The following IMMP2L variants were observed in gnomAD, a reference collection of about 807,000 sequenced individuals.
IMMP2L encodes inner mitochondrial membrane peptidase subunit 2.
IMMP2L carries 18 observed loss-of-function variants against 19.3 expected under a neutral mutation model. The observed-to-expected ratio is 0.93, with a 90% CI of 0.64 to 1.38. IMMP2L has a LOEUF of 1.38. Among genes scored for constraint, IMMP2L ranks in the 40% most tolerant of loss-of-function variants. IMMP2L has a pLI of 0.00. For missense variants in IMMP2L, 233 were observed against 218.2 expected (o/e 1.07, Z -0.43); for synonymous variants, 76 against 73.0 (o/e 1.04, Z -0.21).
intron 3 of IMMP2L, among the ~76,000 whole-genome samples, chr7:111,239,854 T>C (rs1814793370): frequency 6.6e-6 from 1 of 151,958 alleles, no homozygotes; most frequent in Admixed American, 6.6e-5. Context: ...CTAAAGGTAA[T>C]TAAGTGGTAT....
intron 3 of IMMP2L, among the ~76,000 whole-genome samples, chr7:111,152,280 T>C (rs1804164178): frequency 1.3e-5 from 2 of 152,104 alleles, no homozygotes; most frequent in South Asian, 4.1e-4. Flanking sequence ...AATCCATACA[T>C]TCCCCTCCCT....
intron 3 of IMMP2L, among the ~76,000 whole-genome samples, chr7:111,033,752 C>T (rs910130448): frequency 6.6e-6 from 1 of 152,128 alleles, no homozygotes; most frequent in African/African-American, 2.4e-5. Flanking sequence ...ATATGACATT[C>T]TGATATTTAT....
chr7:110,763,205 A>T (rs1236933544), intron 5 of IMMP2L, among the ~76,000 whole-genome samples: 2 of 152,182 alleles, frequency 1.3e-5, no homozygotes, highest in Admixed American at 1.3e-4. Context: ...AATGGAGTCA[A>T]GTGATAGAAC....
At chr7:111,543,628 C>T (rs1848668805) in intron 1 of IMMP2L, among the ~76,000 whole-genome samples, 1 of 152,066 alleles carries the variant, frequency 6.6e-6, no homozygotes, top group Admixed American at 6.6e-5. Context: ...TATTTGAGAG[C>T]AAATGTATAG....
chr7:111,492,460 G>A lies in IMMP2L; in HGVS notation c.136-5119C>T, dbSNP rs867936273. 5.9e-6 allele frequency: 5 copies of A among 845,328 alleles called. No individual in the cohort carries two copies. In the South Asian group the frequency reaches 2.2e-4, roughly 37 times the overall value. 52.4% of individuals were successfully genotyped at this position (845,328 alleles called of 1,614,324 possible). ...GTCAAGAATGTTTTTTCCCCACTTGGAAACTTCTAGTCATTTGTCAAAGTC... is the reference window on the plus strand; with the variant it reads ...GTCAAGAATGTTTTTTCCCCACTTGAAAACTTCTAGTCATTTGTCAAAGTC... On this transcript the variant is annotated intron_variant, in intron 2 of 5. Transcript: ENST00000405709.
chr7:111,023,743 A>T (rs1369264562), intron 3 of IMMP2L, among the ~76,000 whole-genome samples: 3 of 152,134 alleles, frequency 2.0e-5, no homozygotes, highest in Non-Finnish European at 2.9e-5. Context: ...TTGTAAGTTT[A>T]TTCAAATTAT....
intron 3 of IMMP2L, among the ~76,000 whole-genome samples, chr7:111,083,138 G>T (rs890976734): frequency 1.3e-5 from 2 of 152,048 alleles, no homozygotes; most frequent in African/African-American, 4.8e-5. Flanking sequence ...TATGTGTATC[G>T]ATCCATTTTG....
intron 3 of IMMP2L, among the ~76,000 whole-genome samples, chr7:111,120,210 A>C (rs1800421282): frequency 6.6e-6 from 1 of 152,170 alleles, no homozygotes; most frequent in African/African-American, 2.4e-5. Context: ...GATTGCATTA[A>C]TCCGTTCTCA....
chr7:111,129,643 A>G (rs1801662458), intron 3 of IMMP2L, among the ~76,000 whole-genome samples: 1 of 152,138 alleles, frequency 6.6e-6, no homozygotes, highest in African/African-American at 2.4e-5. Flanking sequence ...CCACATCTAG[A>G]AACAGCTACA....
intron 5 of IMMP2L, among the ~76,000 whole-genome samples, chr7:110,853,290 G>A (rs1284817188): frequency 2.0e-5 from 3 of 151,900 alleles, no homozygotes; most frequent in African/African-American, 7.2e-5. Flanking sequence ...CATTGGTATT[G>A]TTCTGTAAAC....
At chr7:110,879,587 A>C (rs1444749103) in intron 5 of IMMP2L, among the ~76,000 whole-genome samples, 4 of 152,006 alleles carry the variant, frequency 2.6e-5, no homozygotes, top group Non-Finnish European at 5.9e-5. Context: ...TGCTATTTTA[A>C]ATGGCCAATT....
chr7:111,125,885 A>C (rs1036237255), intron 3 of IMMP2L, among the ~76,000 whole-genome samples: 9 of 149,150 alleles, frequency 6.0e-5, no homozygotes, highest in Admixed American at 4.7e-4. Flanking sequence ...TGCAGTGGCA[A>C]AACCTAGGCT....
intron 2 of IMMP2L, among the ~76,000 whole-genome samples, chr7:111,508,178 A>C (rs1224068030): frequency 6.6e-6 from 1 of 152,174 alleles, no homozygotes; most frequent in East Asian, 1.9e-4. Context: ...TTATATTTTA[A>C]AAAGAAAGAA....
intron 5 of IMMP2L, among the ~76,000 whole-genome samples, chr7:110,716,411 A>C (rs1795239176): frequency 6.6e-6 from 1 of 151,994 alleles, no homozygotes; most frequent in Admixed American, 6.6e-5. Context: ...TATGTACGTA[A>C]GTGTGTTTTT....
chr7:110,745,831 A>G (rs1797302712), intron 5 of IMMP2L, among the ~76,000 whole-genome samples: 1 of 152,230 alleles, frequency 6.6e-6, no homozygotes, highest in African/African-American at 2.4e-5. Flanking sequence ...CACTATGAAG[A>G]AACTGCATAA....
At chr7:111,065,832 C>A (rs1278453351) in intron 3 of IMMP2L, among the ~76,000 whole-genome samples, 1 of 151,880 alleles carries the variant, frequency 6.6e-6, no homozygotes, top group Non-Finnish European at 1.5e-5. Flanking sequence ...GATAATACTA[C>A]TTAATAAACT....
intron 5 of IMMP2L, among the ~76,000 whole-genome samples, chr7:110,769,142 T>C (rs1347821773): frequency 6.6e-6 from 1 of 152,228 alleles, no homozygotes. Flanking sequence ...ACATTTCTTC[T>C]GCTGCTTTTC....
chr7:110,986,818 T>C (rs1821909513), intron 3 of IMMP2L, among the ~76,000 whole-genome samples: 1 of 145,626 alleles, frequency 6.9e-6, no homozygotes, highest in Non-Finnish European at 1.5e-5. Flanking sequence ...TCTTCTTAGT[T>C]AGTAAAAAAA....
At chr7:111,048,238 C>CAAA (rs575701337) in intron 3 of IMMP2L, among the ~76,000 whole-genome samples, 568 of 18,206 alleles carry the variant, frequency 0.031, 53 homozygotes, top group South Asian at 0.071. Flanking sequence ...GACTCTGTCT[C>CAAA]AAAAAAAAAA....
Sources: gnomAD v4.1 joint callset for allele counts (sites outside exome capture counted in the v4.1 genomes callset) on GRCh38, gnomAD v4.1.1 for gene constraint, MANE v1.5 for transcripts, NCBI Gene and HGNC (gene_info 2026-07-23, HGNC 2026-07-21) for gene names.